Variants in PTPRJ observed in about 807,000 individuals in gnomAD.
PTPRJ encodes the protein receptor-type tyrosine-protein phosphatase eta.
A neutral mutation model predicts 141.3 loss-of-function variants in PTPRJ; 129 were observed. The observed-to-expected ratio is 0.91, with a 90% confidence interval of 0.79 to 1.06. The LOEUF is 1.06. PTPRJ is among the 50% of genes least tolerant of loss of function. The pLI is 0.00. For synonymous variants in PTPRJ, 610 were observed against 640.5 expected (o/e 0.95, Z 0.72); for missense variants, 1,601 against 1,679.7 (o/e 0.95, Z 0.82).
At chr11:48,018,543 A>C (rs1374427109) in intron 1 of PTPRJ, among the ~76,000 whole-genome samples, 2 of 152,206 alleles carry the variant, frequency 1.3e-5, no homozygotes, top group African/African-American at 2.4e-5. Context: ...AAGTCATCAT[A>C]ATACTTAAAA....
chr11:47,991,428 T>C (rs1261059834), intron 1 of PTPRJ, among the ~76,000 whole-genome samples: 1 of 152,196 alleles, frequency 6.6e-6, no homozygotes, highest in Non-Finnish European at 1.5e-5. Context: ...AAGCCACCAA[T>C]GGGAAAGTTT....
intron 1 of PTPRJ, among the ~76,000 whole-genome samples, chr11:48,006,044 G>A (rs1270442085): frequency 6.6e-6 from 1 of 152,258 alleles, no homozygotes; most frequent in African/African-American, 2.4e-5. Context: ...GAGGCAGCAG[G>A]CTGGACCTGG....
intron 1 of PTPRJ, among the ~76,000 whole-genome samples, chr11:48,067,181 C>A (rs557168171): frequency 6.6e-6 from 1 of 152,306 alleles, no homozygotes; most frequent in East Asian, 1.9e-4. Flanking sequence ...ATTAGGAGGC[C>A]TCCTGGAAAG....
At chr11:48,038,315 T>C (rs537160656) in intron 1 of PTPRJ, among the ~76,000 whole-genome samples, 1 of 152,270 alleles carries the variant, frequency 6.6e-6, no homozygotes, top group Admixed American at 6.5e-5. Context: ...AGTGAAGTTG[T>C]TCCCCTTGGC....
At chr11:48,160,374 C>A (rs1258748385) in intron 22 of PTPRJ, among the ~76,000 whole-genome samples, 1 of 152,208 alleles carries the variant, frequency 6.6e-6, no homozygotes. Context: ...CAAACTGTAG[C>A]CTTTTGGATT....
chr11:48,097,543 T>G (rs965643825), intron 1 of PTPRJ, among the ~76,000 whole-genome samples: 1 of 149,240 alleles, frequency 6.7e-6, no homozygotes, highest in Non-Finnish European at 1.5e-5. Flanking sequence ...TGAAGAAAAT[T>G]TTTTTTTTTT....
At chr11:48,140,729 G>GA (rs1218342155) in intron 11 of PTPRJ, among the ~76,000 whole-genome samples, 1 of 151,848 alleles carries the variant, frequency 6.6e-6, no homozygotes, top group Non-Finnish European at 1.5e-5. Context: ...AAGCCACACT[G>GA]AAAAAAAAGT....
At position 48,137,019 on chromosome 11, in the gene PTPRJ, C is replaced by T; in HGVS notation, c.1890C>T (p.Ser630=). The T allele has an allele frequency of 6.2e-7, 1 of 1,604,152 alleles. No individual in the cohort carries two copies. Among genetic ancestry groups the T allele is most frequent in the Non-Finnish European group, 8.5e-7 (1 of 1,171,100 alleles). ...AAAATCAAGGGCCCAGCAATGTGTC[C>T]AACATTGATGTAAGTACCAACACCA... The part of the protein sequence containing the change: ...TAQYTRPSNV[S]NIDVSTNTTA... Residue 630 remains serine (S), a synonymous_variant, in exon 10 of 25, where the codon TCC becomes TCT. Transcript: ENST00000418331.
In PTPRJ at chr11:48,088,439, C is replaced by T. The variant is rs1306452555; in HGVS notation, c.97-21619C>T. Among the ~76,000 whole-genome samples, 6 of 152,154 alleles carry T rather than the reference C, an allele frequency of 3.9e-5. 1 individual carries two copies. Among genetic ancestry groups the T allele is most frequent in the East Asian group, 3.9e-4 (2 of 5,190 alleles). On this transcript the variant is annotated intron_variant, in intron 1 of 24. Transcript: ENST00000418331. ...GGCCCTGGCCTAAGCTGTGCTGTAC[C>T]GGACTCTCCTGGTGACAGTTTTAGT... is the stretch of plus-strand genomic sequence containing the variant.
intron 1 of PTPRJ, among the ~76,000 whole-genome samples, chr11:48,101,988 A>G (rs1856162639): frequency 1.3e-5 from 2 of 152,218 alleles, no homozygotes; most frequent in Admixed American, 1.3e-4. Flanking sequence ...GACATGGGCC[A>G]GAAATCCTCT....
intron 3 of PTPRJ, among the ~76,000 whole-genome samples, chr11:48,119,086 A>T (rs1856640273): frequency 6.6e-6 from 1 of 152,032 alleles, no homozygotes; most frequent in Non-Finnish European, 1.5e-5. Context: ...TGTGAGGCAT[A>T]AATGAGAACA....
chr11:47,986,493 G>C (rs927774112), intron 1 of PTPRJ, among the ~76,000 whole-genome samples: 3 of 152,154 alleles, frequency 2.0e-5, no homozygotes, highest in African/African-American at 7.2e-5. Context: ...GAAGAAATGA[G>C]GCCCCAGATC....
chr11:48,016,855 A>T (rs964978547), intron 1 of PTPRJ, among the ~76,000 whole-genome samples: 1 of 152,140 alleles, frequency 6.6e-6, no homozygotes, highest in African/African-American at 2.4e-5. Context: ...CTTTACATAC[A>T]TTATCTTAAT....
chr11:48,139,375 C>A, intron 10 of PTPRJ, 111 bp from the exon 11 acceptor site: 1 of 1,206,534 alleles, frequency 8.3e-7, no homozygotes, highest in Non-Finnish European at 1.2e-6. Flanking sequence ...CTGCCTCTTC[C>A]ACCACATCAC....
chr11:47,993,140 G>A (rs530755235), intron 1 of PTPRJ, among the ~76,000 whole-genome samples: 1 of 152,316 alleles, frequency 6.6e-6, no homozygotes, highest in African/African-American at 2.4e-5. Flanking sequence ...GAAGTGGGCC[G>A]ACTGAAAGCT....
chr11:48,066,554 G>GTAT (rs58097315), intron 1 of PTPRJ, among the ~76,000 whole-genome samples: 3,853 of 133,784 alleles, frequency 0.029, 74 homozygotes, highest in East Asian at 0.083. Flanking sequence ...TTATCCAGTC[G>GTAT]TATTATTATT....
chr11:48,043,350 A>G (rs1854314146), intron 1 of PTPRJ, among the ~76,000 whole-genome samples: 1 of 152,130 alleles, frequency 6.6e-6, no homozygotes, highest in Non-Finnish European at 1.5e-5. Context: ...AGTAGCTGGG[A>G]TTACAGGCAG....
chr11:48,106,763 C>CTTTTTTTTTTTTTTTTTTTTTTTTTTT (rs35643138), intron 1 of PTPRJ, among the ~76,000 whole-genome samples: 1 of 86,452 alleles, frequency 1.2e-5, no homozygotes, highest in African/African-American at 4.4e-5. Flanking sequence ...TTCTTTCTTT[C>CTTTTTTTTTTTTTTTTTTTTTTTTTTT]TTTTTTTTTT....
rs1358586600 is a variant in PTPRJ, at chr11:48,023,488, AG to A, written c.96+42481del. 4.6e-5 allele frequency among the ~76,000 whole-genome samples: 7 copies of A among 152,264 alleles called. No individual in the cohort carries two copies. In the East Asian group the frequency reaches 1.4e-3, roughly 29 times the overall value. On this transcript the variant is annotated intron_variant, in intron 1 of 24. Transcript: ENST00000418331. ...GGTTTTAGAACTTCATTCTTATTAA[AG>A]TGGGAATTTACCGGCCGGGTGCGGT...
Sources: gnomAD v4.1 joint callset for allele counts (sites outside exome capture counted in the v4.1 genomes callset) on GRCh38, gnomAD v4.1.1 for gene constraint, MANE v1.5 for transcripts, NCBI Gene and HGNC (gene_info 2026-07-23, HGNC 2026-07-21) for gene names.